MUC12: variants seen among roughly 807,000 people sequenced by gnomAD.
The protein encoded by MUC12 is mucin-12.
In MUC12, 172 loss-of-function variants were observed where a neutral mutation model predicts 230.8. The ratio of observed to expected loss-of-function variants is 0.75; its 90% CI spans 0.66 to 0.85. The LOEUF is 0.85. MUC12 is among the 40% of genes least tolerant of loss of function. MUC12 has a pLI of 0.00. For synonymous variants in MUC12, 1,259 were observed against 2,401.9 expected (o/e 0.52, Z 13.91); for missense variants, 3,506 against 5,920.6 (o/e 0.59, Z 13.38).
chr7:100,973,830 G>A (rs992457982), intron 1 of MUC12, among the ~76,000 whole-genome samples: 1 of 151,968 alleles, frequency 6.6e-6, no homozygotes, highest in Non-Finnish European at 1.5e-5. Context: ...CCCAGCCTGG[G>A]CAATGTAGTG....
In MUC12 at chr7:100,995,473, G is replaced by A. The variant is rs754599136; in HGVS notation, c.4910G>A (p.Ser1637Asn). Residue 1637 changes from serine (S) to asparagine (N), a missense_variant, in exon 2 of 12, where the codon AGC becomes AAC. Coordinates refer to ENST00000536621, the MANE Select transcript of MUC12 (RefSeq NM_001164462.2). ...GGTCCAGAATCTACTACTTTCCACA[G>A]CAGCCCAGGCTCCACTGAAACAACA... The part of the protein sequence containing the change: ...SLGPESTTFH[S>N]SPGSTETTLL... 9.8e-6 allele frequency: 15 copies of A among 1,532,734 alleles called. No homozygotes were observed. The highest frequency in any genetic ancestry group is 6.0e-5 in the South Asian group (5 of 83,876). 94.9% of individuals were successfully genotyped at this position (1,532,734 alleles called of 1,614,324 possible).
chr7:101,014,777 C>CTTAAATTAAATTAAATTAAA (rs10533221), intron 9 of MUC12, among the ~76,000 whole-genome samples: 6 of 143,526 alleles, frequency 4.2e-5, no homozygotes, highest in Admixed American at 2.8e-4. Context: ...CGTGCCCGGC[C>CTTAAATTAAATTAAATTAAA]TTAAATTAAA....
intron 1 of MUC12, among the ~76,000 whole-genome samples, chr7:100,984,209 G>A (rs905736109): frequency 2.0e-5 from 3 of 151,712 alleles, no homozygotes; most frequent in African/African-American, 7.2e-5. Context: ...AGGGGAGAGC[G>A]GACTGATCTC....
chr7:101,007,929 C>T (rs1314393018), intron 3 of MUC12, among the ~76,000 whole-genome samples: 1 of 151,320 alleles, frequency 6.6e-6, no homozygotes, highest in Non-Finnish European at 1.5e-5. Flanking sequence ...TCCCAAGTAG[C>T]TGGGACTACA....
At position 101,008,741 on chromosome 7, in the gene MUC12, A is replaced by G. The variant is rs1425513096; in HGVS notation, c.15166A>G (p.Ser5056Gly). The change falls in exon 4 of 12, where the codon AGT becomes GGT. Residue 5056 changes from serine to glycine, a missense_variant. Coordinates refer to ENST00000536621, the MANE Select transcript of MUC12 (RefSeq NM_001164462.2). Reference sequence around the variant, plus strand: ...ATCCTCCCAGGAATACCAGAACTTCAGTACCCTCTTCAAGAATCGGGTAAG... The same window carrying G: ...ATCCTCCCAGGAATACCAGAACTTCGGTACCCTCTTCAAGAATCGGGTAAG... Reference protein sequence around the residue: ...DASSQEYQNFSTLFKNRMDVV... With the variant: ...DASSQEYQNFGTLFKNRMDVV... The G allele has an allele frequency of 1.3e-6, 2 of 1,537,230 alleles. No homozygotes were observed. Among genetic ancestry groups the G allele is most frequent in the Admixed American group, 3.9e-5 (2 of 50,990 alleles).
intron 1 of MUC12, among the ~76,000 whole-genome samples, chr7:100,985,139 C>A (rs997924894): frequency 6.6e-6 from 1 of 152,196 alleles, no homozygotes; most frequent in Admixed American, 6.5e-5. Context: ...GGATTACAAG[C>A]ATGAGCCACT....
Position 100,992,825 on chromosome 7 carries a change from C to A in MUC12, c.2262C>A (p.Phe754Leu), listed in dbSNP as rs1793365284. The A allele has an allele frequency of 6.5e-7, 1 of 1,537,376 alleles. No homozygotes were observed. Among genetic ancestry groups the A allele is most frequent in the Admixed American group, 2.0e-5 (1 of 50,952 alleles). Residue 754 changes from phenylalanine to leucine, a missense_variant, in exon 2 of 12, where the codon TTC becomes TTA. By Grantham distance (22) the Phe-to-Leu change is conservative. Transcript: ENST00000536621. ...CGGGCTCAACTGCAACAACACACTT[C>A]CCTGACAGCTCCACAACCTCAGGCC... ...SSPGSTATTH[F>L]PDSSTTSGRS...
At chr7:101,008,416 T>C (rs1279839829) in intron 3 of MUC12, among the ~76,000 whole-genome samples, 1 of 152,116 alleles carries the variant, frequency 6.6e-6, no homozygotes, top group Non-Finnish European at 1.5e-5. Flanking sequence ...TTCCATTAGC[T>C]CACCTGCCCC....
At chr7:101,017,852 TTCCCCCTGGGACTCCCTCCC>T (rs1157097364) in intron 11 of MUC12, among the ~76,000 whole-genome samples, 189 bp downstream of exon 11, 23 of 71,264 alleles carry the variant, frequency 3.2e-4, no homozygotes, top group African/African-American at 1.3e-3. Context: ...ACCCCTTCCT[TTCCCCCTGGGACTCCCTCCC>T]TCCCCCTGGG....
Position 101,004,733 on chromosome 7 carries a change from A to G in MUC12, c.14170A>G (p.Thr4724Ala), listed in dbSNP as rs1439492447. ...FYISPGSMET[T>A]LASTATTPGL... ...TATCTCTCCAGGCTCAATGGAAACA[A>G]CATTAGCCAGCACTGCCACAACACC... The change falls in exon 2 of 12, where the codon ACA becomes GCA. Residue 4724 changes from threonine (T) to alanine (A), a missense_variant. By Grantham distance (58) the Thr-to-Ala change is moderately conservative. Transcript: ENST00000536621. The G allele has an allele frequency of 9.8e-6, 15 of 1,536,876 alleles. No homozygotes were observed. Among genetic ancestry groups the G allele is most frequent in the Non-Finnish European group, 1.3e-5 (15 of 1,146,390 alleles).
intron 3 of MUC12, 99 bp from the exon 4 acceptor site, chr7:101,008,535 C>A: frequency 7.0e-7 from 1 of 1,428,882 alleles, no homozygotes. Context: ...TCTTAAGTTT[C>A]TTTCACCTTC....
intron 1 of MUC12, among the ~76,000 whole-genome samples, chr7:100,983,756 A>T (rs1352921706): frequency 2.0e-5 from 3 of 152,198 alleles, no homozygotes; most frequent in Non-Finnish European, 4.4e-5. Flanking sequence ...ATACCTCATG[A>T]GTCGTTATGG....
chr7:101,006,539 C>T lies in MUC12; in HGVS notation c.15025C>T (p.Gln5009Ter). 6.5e-7 allele frequency: 1 copy of T among 1,537,150 alleles called. No homozygotes were observed. Among genetic ancestry groups the T allele is most frequent in the Non-Finnish European group, 8.7e-7 (1 of 1,146,852 alleles). ...CTGTCCCCAAGGCTACGTTGGTTAC[C>T]AGTGCTTGTCCCCTCTGGAATCCTT... ...CVCPQGYVGY[Q>*]CLSPLESFPV... Residue 5009 changes from glutamine to a stop codon, truncating the protein, a stop_gained, in exon 3 of 12, where the codon CAG (glutamine) becomes TAG (stop). Coordinates refer to ENST00000536621, the MANE Select transcript of MUC12 (RefSeq NM_001164462.2). LOFTEE classifies it high-confidence loss of function.
rs1318274524 is a variant in MUC12 at position 100,991,949 on chromosome 7, T to C, written c.1386T>C (p.Val462=). Residue 462 remains valine, a synonymous_variant, in exon 2 of 12, where the codon GTT becomes GTC. Coordinates refer to ENST00000536621, the MANE Select transcript of MUC12 (RefSeq NM_001164462.2). ...LPAGSTPSVL[V]GDSTPSPISS... ...CCGGCTCTACACCCTCAGTTCTTGT[T>C]GGAGACTCGACGCCCTCACCCATCA... The C allele has an allele frequency of 4.6e-6, 7 of 1,537,878 alleles. No individual in the cohort carries two copies. The highest frequency in any genetic ancestry group is 3.6e-5 in the South Asian group (3 of 84,058).
At chr7:101,010,510 T>C (rs2116354905) in intron 5 of MUC12, among the ~76,000 whole-genome samples, 1 of 152,170 alleles carries the variant, frequency 6.6e-6, no homozygotes, top group East Asian at 1.9e-4. Context: ...CTAATTTTTG[T>C]AATTTTTTTG....
At chr7:101,015,825 C>T (rs1157008775) in intron 10 of MUC12, 134 bp downstream of exon 10, 2 of 717,744 alleles carry the variant, frequency 2.8e-6, no homozygotes, top group Non-Finnish European at 4.6e-6. Flanking sequence ...CCGTTCCCTA[C>T]CTGCCGCTGC....
Position 101,005,062 on chromosome 7 carries a change from G to A in MUC12, c.14499G>A (p.Leu4833=), listed in dbSNP as rs1193532221. Residue 4833 remains leucine, a synonymous_variant, in exon 2 of 12, where the codon CTG becomes CTA. Transcript: ENST00000536621. ...TTPHSQPGSA[L]STVSPASTTV... ...CTCATAGCCAACCAGGCTCAGCTCT[G>A]TCAACAGTGTCACCTGCCAGCACCA... is the stretch of plus-strand genomic sequence containing the variant. 3 of 1,537,586 alleles carry A rather than the reference G, an allele frequency of 2.0e-6. No individual in the cohort carries two copies. Among genetic ancestry groups the A allele is most frequent in the Admixed American group, 2.0e-5 (1 of 50,990 alleles).
Position 100,991,580 on chromosome 7 carries a change from A to G in MUC12, c.1017A>G (p.Ala339=). ...CACCAGTCCACAGCAGCCCAGTTGCAACTGCAACAACACCCCCACCTGCCC... is the reference window on the plus strand; with the variant it reads ...CACCAGTCCACAGCAGCCCAGTTGCGACTGCAACAACACCCCCACCTGCCC... The part of the protein sequence containing the change: ...ESTPVHSSPV[A]TATTPPPARS... The change falls in exon 2 of 12, where the codon GCA becomes GCG. Residue 339 remains alanine (A), a synonymous_variant. Coordinates refer to ENST00000536621, the MANE Select transcript of MUC12 (RefSeq NM_001164462.2). 2 of 1,536,972 alleles carry G rather than the reference A, an allele frequency of 1.3e-6. No homozygotes were observed. Among genetic ancestry groups the G allele is most frequent in the Non-Finnish European group, 1.7e-6 (2 of 1,146,424 alleles).
At chr7:100,983,781 G>A (rs1291469750) in intron 1 of MUC12, among the ~76,000 whole-genome samples, 2 of 152,082 alleles carry the variant, frequency 1.3e-5, no homozygotes, top group Non-Finnish European at 2.9e-5. Context: ...AACCATAAAC[G>A]TCCTTTATAT....
Sources: gnomAD v4.1 joint callset for allele counts (sites outside exome capture counted in the v4.1 genomes callset) on GRCh38, gnomAD v4.1.1 for gene constraint, MANE v1.5 for transcripts, NCBI Gene and HGNC (gene_info 2026-07-23, HGNC 2026-07-21) for gene names.